Variants in STX2 observed in about 807,000 individuals in gnomAD.
STX2 encodes the protein syntaxin-2.
Under a neutral mutation model 40.6 loss-of-function variants are expected in STX2, and 27 were observed. The observed-to-expected ratio is 0.66, with a 90% CI of 0.49 to 0.92. STX2 has a LOEUF of 0.92. STX2 is among the 40% of genes least tolerant of loss of function. The pLI is 0.00. For synonymous variants in STX2, 123 were observed against 119.1 expected (o/e 1.03, Z -0.22); for missense variants, 328 against 366.1 (o/e 0.90, Z 0.85).
chr12:130,809,203 G>T (rs534970549), intron 4 of STX2, among the ~76,000 whole-genome samples: 69 of 152,056 alleles, frequency 4.5e-4, no homozygotes, highest in African/African-American at 1.6e-3. Flanking sequence ...GATACACACA[G>T]ATATATATAC....
At chr12:130,817,930 G>A (rs1392143200) in intron 3 of STX2, among the ~76,000 whole-genome samples, 2 of 151,754 alleles carry the variant, frequency 1.3e-5, no homozygotes, top group Admixed American at 6.6e-5. Context: ...GGAAGGCCTC[G>A]GGTGGGGTGG....
chr12:130,806,555 T>C (rs1951441090), intron 6 of STX2, among the ~76,000 whole-genome samples: 1 of 152,056 alleles, frequency 6.6e-6, no homozygotes, highest in Admixed American at 6.6e-5. Flanking sequence ...GAAGGCGCCA[T>C]CTCCACTGCC....
intron 3 of STX2, among the ~76,000 whole-genome samples, chr12:130,818,185 A>AAAAATATATATATATAT: frequency 3.0e-4 from 21 of 70,502 alleles, no homozygotes; most frequent in South Asian, 3.7e-4. Flanking sequence ...AAAAAAAAAA[A>AAAAATATATATATATAT]ATATATATAT....
At chr12:130,792,036 T>C (rs1388866679) in intron 10 of STX2, 59 bp from the exon 11 acceptor site, 3 of 1,168,694 alleles carry the variant, frequency 2.6e-6, no homozygotes, top group Non-Finnish European at 3.8e-6. Flanking sequence ...CAATGGCATT[T>C]GCTAACTAAT....
rs186263415 is a variant in STX2, at chr12:130,794,331, A to G, written c.*45+1664T>C. On this transcript the variant is annotated intron_variant, in intron 10 of 10. Transcript: ENST00000392373. ...GCCTAATAAAAATAGACGGTAAGAG[A>G]GTTCTGACTGCCAAATAATGGAATG... is the stretch of plus-strand genomic sequence containing the variant. 2.0e-4 allele frequency among the ~76,000 whole-genome samples: 31 copies of G among 152,296 alleles called. 1 individual carries two copies. The highest frequency in any genetic ancestry group is 1.0e-3 in the Admixed American group (16 of 15,300).
intron 2 of STX2, among the ~76,000 whole-genome samples, chr12:130,825,528 T>C (rs1952268956): frequency 6.6e-6 from 1 of 152,148 alleles, no homozygotes; most frequent in African/African-American, 2.4e-5. Context: ...TTCCAAGAAG[T>C]GAAATCAGGA....
intron 3 of STX2, among the ~76,000 whole-genome samples, 182 bp downstream of exon 3, chr12:130,821,505 GAA>G (rs937686673): frequency 6.7e-6 from 1 of 149,128 alleles, no homozygotes; most frequent in African/African-American, 2.5e-5. Context: ...GCAGCTTTAA[GAA>G]AAAAAAAACA....
intron 4 of STX2, among the ~76,000 whole-genome samples, chr12:130,810,022 AAACAACAAC>A (rs560860616): frequency 6.6e-6 from 1 of 152,100 alleles, no homozygotes; most frequent in African/African-American, 2.4e-5. Context: ...ACCCCAGGTC[AAACAACAAC>A]AACAACAACA....
chr12:130,792,753 A>G (rs1407319996), intron 10 of STX2, among the ~76,000 whole-genome samples: 1 of 152,264 alleles, frequency 6.6e-6, no homozygotes, highest in African/African-American at 2.4e-5. Flanking sequence ...GGCATGAGCC[A>G]CTGCACCTGG....
chr12:130,797,469 C>A (rs1023990495), intron 9 of STX2, among the ~76,000 whole-genome samples: 4 of 151,950 alleles, frequency 2.6e-5, no homozygotes, highest in Admixed American at 2.6e-4. Flanking sequence ...GAGGGTGTGC[C>A]CTGGCGGCTG....
At chr12:130,801,517 C>A in intron 6 of STX2, 29 bp from the exon 7 acceptor site, 2 of 1,564,756 alleles carry the variant, frequency 1.3e-6, no homozygotes, top group Non-Finnish European at 1.7e-6. Flanking sequence ...CAGCCCCACT[C>A]AGAATGCAGC....
chr12:130,804,430 C>T lies in STX2; in HGVS notation c.463+2552G>A, dbSNP rs928357734. Among the ~76,000 whole-genome samples the T allele has an allele frequency of 7.2e-5, 11 of 152,194 alleles. 1 individual carries two copies. The highest frequency in any genetic ancestry group is 4.1e-4 in the South Asian group (2 of 4,828). On this transcript the variant is annotated intron_variant, in intron 6 of 10. Coordinates refer to ENST00000392373, the MANE Select transcript of STX2 (RefSeq NM_194356.4). ...GCAATGAGGTCTGAAGACGATGCCT[C>T]CGGCACAGGCAACCTCTCATCAAGA...
intron 4 of STX2, chr12:130,812,567 C>G: frequency 7.1e-6 from 2 of 280,356 alleles, no homozygotes; most frequent in Non-Finnish European, 1.4e-5. Flanking sequence ...TGTTTAAGTC[C>G]CCTGTTTTAC....
chr12:130,835,743 T>G (rs1952736097), intron 1 of STX2, among the ~76,000 whole-genome samples: 1 of 152,166 alleles, frequency 6.6e-6, no homozygotes, highest in African/African-American at 2.4e-5. Flanking sequence ...GGCGAGTCTT[T>G]TACTTTCTGT....
chr12:130,792,620 T>C (rs1950911192), intron 10 of STX2, among the ~76,000 whole-genome samples: 1 of 152,164 alleles, frequency 6.6e-6, no homozygotes, highest in Non-Finnish European at 1.5e-5. Flanking sequence ...TGCACCACCA[T>C]GCCCAGCTAA....
intron 4 of STX2, chr12:130,812,345 A>G (rs1421453224): frequency 2.2e-6 from 1 of 450,044 alleles, no homozygotes; most frequent in African/African-American, 2.0e-5. Context: ...GGGCTTCAGA[A>G]TAGTCTGGGA....
At chr12:130,814,289 C>T (rs530633935) in intron 3 of STX2, among the ~76,000 whole-genome samples, 5 of 152,170 alleles carry the variant, frequency 3.3e-5, no homozygotes, top group South Asian at 4.1e-4. Flanking sequence ...ACCCAGGAAG[C>T]GCCAATGCCA....
chr12:130,796,809 C>T (rs548710829), intron 9 of STX2, among the ~76,000 whole-genome samples: 2 of 152,272 alleles, frequency 1.3e-5, no homozygotes, highest in Admixed American at 6.5e-5. Context: ...CTTGGCCTTT[C>T]GCTCCTTCTT....
At chr12:130,811,543 T>C (rs2136283747) in intron 4 of STX2, among the ~76,000 whole-genome samples, 1 of 141,338 alleles carries the variant, frequency 7.1e-6, no homozygotes, top group South Asian at 2.3e-4. Flanking sequence ...CATCTTTTTT[T>C]TTTTTTTTTT....
Sources: gnomAD v4.1 joint callset for allele counts (sites outside exome capture counted in the v4.1 genomes callset) on GRCh38, gnomAD v4.1.1 for gene constraint, MANE v1.5 for transcripts, NCBI Gene and HGNC (gene_info 2026-07-23, HGNC 2026-07-21) for gene names.